METTL8: variants seen among roughly 807,000 people sequenced by gnomAD.
METTL8 encodes the protein tRNA N(3)-cytidine methyltransferase METTL8, mitochondrial.
METTL8 carries 32 observed loss-of-function variants against 48.7 expected under a neutral mutation model. That is an observed-to-expected ratio of 0.66 (90% confidence interval 0.50 to 0.88). The LOEUF (loss-of-function observed/expected upper bound fraction) is 0.88. Among genes scored for constraint, METTL8 ranks in the 40% least tolerant of loss-of-function variants. The pLI, the probability that METTL8 is intolerant of heterozygous loss-of-function variation, is 0.00. For synonymous variants in METTL8, 136 were observed against 157.1 expected (o/e 0.87, Z 1.01); for missense variants, 464 against 474.4 (o/e 0.98, Z 0.20).
At chr2:171,372,992 T>A (rs1192689924) in intron 2 of METTL8, among the ~76,000 whole-genome samples, 1 of 152,232 alleles carries the variant, frequency 6.6e-6, no homozygotes, top group Non-Finnish European at 1.5e-5. Flanking sequence ...CCTTTGGGTA[T>A]ATACCCAGTA....
chr2:171,337,105 G>A (rs918736394), intron 5 of METTL8, among the ~76,000 whole-genome samples: 8 of 152,046 alleles, frequency 5.3e-5, no homozygotes, highest in East Asian at 3.9e-4. Flanking sequence ...GACCTCAAGC[G>A]ATCCACCCGC....
At chr2:171,350,584 T>G (rs193279855) in intron 3 of METTL8, among the ~76,000 whole-genome samples, 13,275 of 152,148 alleles carry the variant, frequency 0.087, 720 homozygotes, top group African/African-American at 0.16. Flanking sequence ...CACCGACAGT[T>G]TAAAAGTGTT....
intron 3 of METTL8, among the ~76,000 whole-genome samples, chr2:171,340,108 G>C (rs1686564177): frequency 2.0e-5 from 3 of 151,276 alleles, no homozygotes; most frequent in Admixed American, 1.3e-4. Context: ...TGAGGCAGGA[G>C]AATTGCTTGA....
intron 9 of METTL8, among the ~76,000 whole-genome samples, chr2:171,325,436 AC>A (rs1317984796): frequency 6.6e-6 from 1 of 152,178 alleles, no homozygotes; most frequent in Non-Finnish European, 1.5e-5. Flanking sequence ...CAATCTTCTC[AC>A]CTTCATCTCC....
At chr2:171,361,012 T>C (rs1685108458) in intron 2 of METTL8, among the ~76,000 whole-genome samples, 2 of 152,234 alleles carry the variant, frequency 1.3e-5, no homozygotes, top group Admixed American at 1.3e-4. Flanking sequence ...TCTTATTAGC[T>C]ACTTTAATTT....
intron 3 of METTL8, among the ~76,000 whole-genome samples, chr2:171,350,741 G>A (rs972702782): frequency 6.6e-6 from 1 of 152,158 alleles, no homozygotes; most frequent in Non-Finnish European, 1.5e-5. Context: ...TCATATGTCT[G>A]TTGGCTACAT....
intron 1 of METTL8, among the ~76,000 whole-genome samples, chr2:171,395,700 GAC>G (rs1024236027): frequency 1.3e-5 from 2 of 152,122 alleles, no homozygotes; most frequent in African/African-American, 4.8e-5. Flanking sequence ...AAAGCAAAAA[GAC>G]AGAACTTTCT....
intron 3 of METTL8, among the ~76,000 whole-genome samples, chr2:171,358,587 C>T (rs1200589530): frequency 6.6e-6 from 1 of 151,986 alleles, no homozygotes; most frequent in Non-Finnish European, 1.5e-5. Flanking sequence ...ATAAATGGTG[C>T]TGGGATAACT....
chr2:171,371,830 T>TTAC (rs1686379901), intron 2 of METTL8, among the ~76,000 whole-genome samples: 1 of 98,324 alleles, frequency 1.0e-5, no homozygotes, highest in African/African-American at 4.3e-5. Context: ...ATTATTGTTA[T>TTAC]TATTACTATT....
intron 2 of METTL8, among the ~76,000 whole-genome samples, chr2:171,391,404 C>T (rs974881322): frequency 1.3e-5 from 2 of 152,160 alleles, no homozygotes; most frequent in Admixed American, 6.5e-5. Flanking sequence ...TGAGGTGTGC[C>T]TGTAATCGTA....
At chr2:171,347,989 T>C (rs1406053921) in intron 3 of METTL8, among the ~76,000 whole-genome samples, 1 of 152,172 alleles carries the variant, frequency 6.6e-6, no homozygotes, top group African/African-American at 2.4e-5. Flanking sequence ...CTCTACGGAA[T>C]AGCAAGTGAT....
chr2:171,418,105 G>A (rs1381925488), intron 1 of METTL8, among the ~76,000 whole-genome samples: 4 of 152,026 alleles, frequency 2.6e-5, no homozygotes, highest in Admixed American at 2.0e-4. Flanking sequence ...CACCATGCCC[G>A]GCTAATTTTT....
At position 171,337,561 on chromosome 2, in the gene METTL8, T is replaced by A. The variant is rs369896371; in HGVS notation, c.607-59A>T. ...AGCAAGGTTAAATTTTTGTCACCAA[T>A]GTCAGATCTCCTATTAAAGAAAAAA... On this transcript the variant is annotated intron_variant, in intron 4 of 9. Coordinates refer to ENST00000375258, the MANE Select transcript of METTL8 (RefSeq NM_001321154.2). 86 of 1,292,636 alleles carry A rather than the reference T, an allele frequency of 6.7e-5. 1 individual carries two copies. The highest frequency in any genetic ancestry group is 6.5e-4 in the East Asian group (27 of 41,760). 80.1% of individuals were successfully genotyped at this position (1,292,636 alleles called of 1,614,324 possible).
At chr2:171,357,214 C>T (rs1171964658) in intron 3 of METTL8, among the ~76,000 whole-genome samples, 1 of 151,896 alleles carries the variant, frequency 6.6e-6, no homozygotes, top group Non-Finnish European at 1.5e-5. Flanking sequence ...CCACCCTGGC[C>T]CCCCAAAGTT....
chr2:171,412,830 GAAGT>G (rs1428823661), intron 1 of METTL8, among the ~76,000 whole-genome samples: 1 of 152,066 alleles, frequency 6.6e-6, no homozygotes, highest in African/African-American at 2.4e-5. Context: ...AAAAATAAAT[GAAGT>G]AAGACTGCCA....
intron 1 of METTL8, among the ~76,000 whole-genome samples, chr2:171,402,673 G>A (rs1430990431): frequency 6.6e-6 from 1 of 151,986 alleles, no homozygotes; most frequent in African/African-American, 2.4e-5. Flanking sequence ...ACATCCCGGT[G>A]GCAACAAGCA....
At chr2:171,327,272 A>G (rs1437287822) in intron 7 of METTL8, among the ~76,000 whole-genome samples, 1 of 152,214 alleles carries the variant, frequency 6.6e-6, no homozygotes, top group East Asian at 1.9e-4. Flanking sequence ...CTAAGTGTTC[A>G]TGGCTTTATG....
At chr2:171,333,568 A>G (rs559112030) in intron 5 of METTL8, among the ~76,000 whole-genome samples, 2 of 152,398 alleles carry the variant, frequency 1.3e-5, no homozygotes, top group East Asian at 1.9e-4. Context: ...ATCAAAGTTA[A>G]AACTCATACT....
chr2:171,338,630 A>C (rs550923606), intron 4 of METTL8, among the ~76,000 whole-genome samples: 37 of 151,654 alleles, frequency 2.4e-4, no homozygotes, highest in African/African-American at 8.9e-4. Context: ...ACAAGAACAA[A>C]AGTCTGTCTC....
Sources: allele counts gnomAD v4.1 joint callset (sites outside exome capture counted in the v4.1 genomes callset), GRCh38; gene constraint gnomAD v4.1.1; transcripts MANE v1.5; gene names NCBI Gene and HGNC (gene_info 2026-07-23, HGNC 2026-07-21).